The following DNAH8 variants were observed in gnomAD, a reference collection of about 807,000 sequenced individuals.
The protein encoded by DNAH8 is axonemal beta dynein heavy chain 8.
In DNAH8, 382 loss-of-function variants were observed where a neutral mutation model predicts 562.1. That is an observed-to-expected ratio of 0.68 (90% CI 0.63 to 0.74). The LOEUF (loss-of-function observed/expected upper bound fraction) is 0.74, where lower values mean the gene tolerates loss of function less well. Among genes scored for constraint, DNAH8 ranks in the 30% least tolerant of loss-of-function variants. The pLI is 0.00. For missense variants in DNAH8, 5,203 were observed against 5,620.4 expected (o/e 0.93, Z 2.37); for synonymous variants, 1,881 against 1,919.4 (o/e 0.98, Z 0.52).
At chr6:38,968,247 T>G (rs1048943416) in intron 82 of DNAH8, among the ~76,000 whole-genome samples, 2 of 152,180 alleles carry the variant, frequency 1.3e-5, no homozygotes, top group African/African-American at 4.8e-5. Context: ...AATGGTTTTC[T>G]AGATATGAAA....
chr6:38,961,432 A>G (rs1762596991), intron 82 of DNAH8, among the ~76,000 whole-genome samples: 1 of 152,056 alleles, frequency 6.6e-6, no homozygotes, highest in Non-Finnish European at 1.5e-5. Flanking sequence ...TTATGTGTCA[A>G]TGAAAAACAA....
intron 33 of DNAH8, among the ~76,000 whole-genome samples, chr6:38,839,206 C>T (rs983623805): frequency 1.3e-5 from 2 of 152,158 alleles, no homozygotes; most frequent in Non-Finnish European, 2.9e-5. Context: ...GATGCACACT[C>T]AGCCTGAGAT....
chr6:38,750,520 A>T lies in DNAH8; in HGVS notation c.1338A>T (p.Glu446Asp), dbSNP rs746541575. The change falls in exon 9 of 93, where the codon GAA becomes GAT. Residue 446 changes from glutamate to aspartate, a missense_variant. Transcript: ENST00000327475. ...LDARITDTANESKDNVRYLYT... is the reference protein window; with the variant it reads ...LDARITDTANDSKDNVRYLYT... ...CAAGAATCACTGATACAGCAAATGA[A>T]TCCAAAGATAATGTCAGATATTTGT... The T allele has an allele frequency of 6.2e-7, 1 of 1,612,668 alleles. No homozygotes were observed. The highest frequency in any genetic ancestry group is 1.1e-5 in the South Asian group (1 of 90,762).
At chr6:38,834,013 TGCAACTGTGTTCTGGTTCATAGCCACCAG>T (rs1774074302) in intron 31 of DNAH8, among the ~76,000 whole-genome samples, 1 of 152,222 alleles carries the variant, frequency 6.6e-6, no homozygotes, top group South Asian at 2.1e-4. Flanking sequence ...AGGATTATTT[TGCAACTGTGTTCTGGTTCATAGCCACCAG>T]ACACTGCTTT....
Position 38,973,654 on chromosome 6 carries a change from G to C in DNAH8, c.12526-7G>C, listed in dbSNP as rs752933067. ...AGAAATAAATATGAACTTATTTTTG[G>C]ATACAGGGTGGTTGGGTATTACTAC... On this transcript the variant is annotated splice_region_variant and splice_polypyrimidine_tract_variant and intron_variant, in intron 83 of 92. Coordinates refer to ENST00000327475, the MANE Select transcript of DNAH8 (RefSeq NM_001206927.2). 2 of 1,557,784 alleles carry C rather than the reference G, an allele frequency of 1.3e-6. No individual in the cohort carries two copies. Among genetic ancestry groups the C allele is most frequent in the African/African-American group, 2.8e-5 (2 of 71,448 alleles).
Position 38,805,475 on chromosome 6 carries a change from C to A in DNAH8, c.3035-6C>A. 7 of 1,568,326 alleles carry A rather than the reference C, an allele frequency of 4.5e-6. No individual in the cohort carries two copies. The highest frequency in any genetic ancestry group is 6.1e-6 in the Non-Finnish European group (7 of 1,138,988). On this transcript the variant is annotated splice_region_variant and splice_polypyrimidine_tract_variant and intron_variant, in intron 22 of 92. Transcript: ENST00000327475. ...GTTATATTTTTGTTTTGTCTTTTGT[C>A]TATAGAACAGCGGAAACACGTTGTT...
intron 42 of DNAH8, among the ~76,000 whole-genome samples, chr6:38,858,697 C>G (rs1776384066): frequency 6.6e-6 from 1 of 152,198 alleles, no homozygotes; most frequent in South Asian, 2.1e-4. Flanking sequence ...AAAAACTGCT[C>G]TAGGATTTAT....
At chr6:38,874,500 G>T (rs71571354) in intron 52 of DNAH8, among the ~76,000 whole-genome samples, 12,490 of 151,294 alleles carry the variant, frequency 0.083, 679 homozygotes, top group East Asian at 0.21. Flanking sequence ...CTTTGAAGTT[G>T]TTGGGGCTAC....
At position 38,803,327 on chromosome 6, in the gene DNAH8, A is replaced by G; in HGVS notation, c.3034+16A>G. Reference sequence around the variant, plus strand: ...AAACAGTCAGGTAACTTTTCTCGTTACTGTGTTTGAATTACAAGATCTACA... The same window carrying G: ...AAACAGTCAGGTAACTTTTCTCGTTGCTGTGTTTGAATTACAAGATCTACA... On this transcript the variant is annotated intron_variant, in intron 22 of 92. Transcript: ENST00000327475. The G allele has an allele frequency of 6.3e-7, 1 of 1,590,824 alleles. No homozygotes were observed.
At chr6:39,013,042 A>G (rs929829642) in intron 91 of DNAH8, among the ~76,000 whole-genome samples, 1 of 152,222 alleles carries the variant, frequency 6.6e-6, no homozygotes, top group Non-Finnish European at 1.5e-5. Context: ...GGTTTCAAAA[A>G]TGACTGTGAC....
chr6:38,734,156 A>C (rs184324862), intron 4 of DNAH8, among the ~76,000 whole-genome samples: 1 of 150,748 alleles, frequency 6.6e-6, no homozygotes, highest in Non-Finnish European at 1.5e-5. Flanking sequence ...ATGTGGTGGC[A>C]CACGCATGTA....
At chr6:38,917,836 C>A in intron 69 of DNAH8, 89 bp from the exon 70 acceptor site, 1 of 1,007,874 alleles carries the variant, frequency 9.9e-7, no homozygotes, top group Non-Finnish European at 1.4e-6. Flanking sequence ...TCTATTACTT[C>A]TTTGAGAAAA....
intron 41 of DNAH8, among the ~76,000 whole-genome samples, chr6:38,856,962 T>C (rs1324223769): frequency 6.6e-6 from 1 of 152,154 alleles, no homozygotes; most frequent in Non-Finnish European, 1.5e-5. Flanking sequence ...TCTCACAGTT[T>C]CTTTATGACT....
At position 38,909,700 on chromosome 6, in the gene DNAH8, G is replaced by A. The variant is rs1780736943; in HGVS notation, c.9696G>A (p.Leu3232=). 6.2e-7 allele frequency: 1 copy of A among 1,613,980 alleles called. No homozygotes were observed. Among genetic ancestry groups the A allele is most frequent in the Non-Finnish European group, 8.5e-7 (1 of 1,179,992 alleles). The change falls in exon 65 of 93, where the codon CTG becomes CTA. Residue 3232 remains leucine (L), a synonymous_variant. Transcript: ENST00000327475. ...GACAAGTTGTAGAAACAATGGGCCT[G>A]TTTCATGACATGGTTTCAGAGAGCT... ...IKRQVVETMG[L]FHDMVSESCE... is the part of the protein sequence containing the mutation.
intron 12 of DNAH8, among the ~76,000 whole-genome samples, chr6:38,774,670 G>A (rs1302281166): frequency 6.6e-6 from 1 of 152,242 alleles, no homozygotes; most frequent in Non-Finnish European, 1.5e-5. Context: ...GAGCCAGGTG[G>A]TAGAGTAATG....
At chr6:38,958,646 C>CAAAAAAA (rs35382684) in intron 82 of DNAH8, among the ~76,000 whole-genome samples, 1 of 58,878 alleles carries the variant, frequency 1.7e-5, no homozygotes, top group African/African-American at 7.1e-5. Context: ...AGTCTCCCAT[C>CAAAAAAA]AAAAAAAAAA....
At chr6:38,721,716 T>C (rs1365586075) in intron 1 of DNAH8, among the ~76,000 whole-genome samples, 2 of 152,156 alleles carry the variant, frequency 1.3e-5, no homozygotes, top group Non-Finnish European at 2.9e-5. Context: ...CAAACAATTA[T>C]AGCTGTTTAT....
intron 21 of DNAH8, among the ~76,000 whole-genome samples, chr6:38,794,136 A>G (rs1266139940): frequency 6.6e-6 from 1 of 152,202 alleles, no homozygotes; most frequent in African/African-American, 2.4e-5. Flanking sequence ...GTAAATTCCC[A>G]AGGGAGAATT....
chr6:38,734,530 A>G lies in DNAH8; in HGVS notation c.667A>G (p.Ile223Val). 1.2e-6 allele frequency: 2 copies of G among 1,613,988 alleles called. No individual in the cohort carries two copies. Among genetic ancestry groups the G allele is most frequent in the Non-Finnish European group, 1.7e-6 (2 of 1,179,982 alleles). ...TKGAKMMKLY[I>V]DNAAPDKLKG... ...AGGGGCAAAAATGATGAAATTGTATATAGACAATGCAGCCCCGGATAAACT... is the reference window on the plus strand; with the variant it reads ...AGGGGCAAAAATGATGAAATTGTATGTAGACAATGCAGCCCCGGATAAACT... The change falls in exon 5 of 93, where the codon ATA (isoleucine) becomes GTA (valine). Residue 223 changes from isoleucine (I) to valine (V), a missense_variant. Ile to Val is a conservative substitution (Grantham distance 29). Transcript: ENST00000327475.
Sources: gnomAD v4.1 joint callset for allele counts (sites outside exome capture counted in the v4.1 genomes callset) on GRCh38, gnomAD v4.1.1 for gene constraint, MANE v1.5 for transcripts, NCBI Gene and HGNC (gene_info 2026-07-23, HGNC 2026-07-21) for gene names.